NEURL1: variants seen among roughly 807,000 people sequenced by gnomAD.
NEURL1 encodes neuralized E3 ubiquitin protein ligase 1.
Under a neutral mutation model 41.2 loss-of-function variants are expected in NEURL1, and 26 were observed. The observed-to-expected ratio is 0.63, with a 90% confidence interval of 0.46 to 0.87. The LOEUF (loss-of-function observed/expected upper bound fraction) is 0.87, where lower values mean the gene tolerates loss of function less well. NEURL1 is among the 40% of genes least tolerant of loss of function. The pLI is 0.00. For synonymous variants in NEURL1, 400 were observed against 402.3 expected (o/e 0.99, Z 0.07); for missense variants, 761 against 871.1 (o/e 0.87, Z 1.59).
rs146023099 is a variant in NEURL1, at chr10:103,590,171, G to A, written c.1524G>A (p.Ser508=). The part of the protein sequence containing the change: ...APNSPVSLPE[S]PVTPGLGQWS... The stretch of plus-strand genomic sequence containing the variant: ...ATTCGCCAGTGAGCCTGCCCGAGTC[G>A]CCAGTGACCCCAGGTCTGGGCCAGT... The change falls in exon 6 of 6, where the codon TCG becomes TCA. Residue 508 remains serine, a synonymous_variant. Transcript: ENST00000369780. The A allele has an allele frequency of 3.1e-6, 5 of 1,613,948 alleles. No individual in the cohort carries two copies. Among genetic ancestry groups the A allele is most frequent in the Admixed American group, 3.3e-5 (2 of 60,010 alleles).
chr10:103,587,103 G>C (rs1367802670), intron 4 of NEURL1, among the ~76,000 whole-genome samples: 1 of 151,982 alleles, frequency 6.6e-6, no homozygotes. Flanking sequence ...CAAGCAAGCA[G>C]GCAAGATGAA....
chr10:103,514,826 G>A (rs186300463), intron 1 of NEURL1, among the ~76,000 whole-genome samples: 171 of 152,284 alleles, frequency 1.1e-3, no homozygotes, highest in Non-Finnish European at 1.8e-3. Flanking sequence ...CACCGACAGG[G>A]GTGTGCTCAA....
intron 3 of NEURL1, among the ~76,000 whole-genome samples, chr10:103,573,079 A>G (rs1049130619): frequency 1.3e-5 from 2 of 152,136 alleles, no homozygotes; most frequent in Non-Finnish European, 2.9e-5. Context: ...AGTCAGTGAT[A>G]GTAAAAACAA....
In NEURL1 at chr10:103,494,301, C is replaced by G; in HGVS notation, c.-87C>G. On this transcript the variant is annotated 5_prime_UTR_variant, in exon 1 of 6. Coordinates refer to ENST00000369780, the MANE Select transcript of NEURL1 (RefSeq NM_004210.5). ...GGGCCCTCCCCCGGTGGCGCGCACCCGCGCGCGCACACTCGCACACCGCAC... is the reference window on the plus strand; with the variant it reads ...GGGCCCTCCCCCGGTGGCGCGCACCGGCGCGCGCACACTCGCACACCGCAC... The G allele has an allele frequency of 8.9e-7, 1 of 1,127,940 alleles. No individual in the cohort carries two copies. Among genetic ancestry groups the G allele is most frequent in the Non-Finnish European group, 1.2e-6 (1 of 806,384 alleles). 69.9% of individuals were successfully genotyped at this position (1,127,940 alleles called of 1,614,324 possible).
chr10:103,570,302 G>A (rs1258014031), intron 1 of NEURL1, among the ~76,000 whole-genome samples: 1 of 152,082 alleles, frequency 6.6e-6, no homozygotes, highest in East Asian at 1.9e-4. Flanking sequence ...ACTTGTCTTG[G>A]AGCCACAGAG....
intron 1 of NEURL1, among the ~76,000 whole-genome samples, chr10:103,564,443 C>A (rs527836581): frequency 6.6e-6 from 1 of 152,334 alleles, no homozygotes; most frequent in Admixed American, 6.5e-5. Flanking sequence ...ACGCCCCCCC[C>A]ATTTTGAGGC....
chr10:103,587,890 C>T (rs1050663097), intron 4 of NEURL1, among the ~76,000 whole-genome samples: 1 of 152,166 alleles, frequency 6.6e-6, no homozygotes, highest in Non-Finnish European at 1.5e-5. Context: ...GAAATAATAA[C>T]ACAACTAAAT....
At chr10:103,565,818 G>A (rs1223924410) in intron 1 of NEURL1, among the ~76,000 whole-genome samples, 1 of 151,934 alleles carries the variant, frequency 6.6e-6, no homozygotes, top group Non-Finnish European at 1.5e-5. Context: ...GTCTGGCTAA[G>A]TTTTGTAGTT....
chr10:103,533,826 GCT>G (rs1564813001), intron 1 of NEURL1, among the ~76,000 whole-genome samples: 4 of 151,992 alleles, frequency 2.6e-5, no homozygotes, highest in African/African-American at 7.3e-5. Context: ...TTGAGCCACC[GCT>G]CCCGGCCTAA....
intron 4 of NEURL1, chr10:103,588,819 G>C (rs2035976232): frequency 4.5e-6 from 2 of 441,282 alleles, no homozygotes; most frequent in African/African-American, 4.1e-5. Context: ...GGTGGCATGT[G>C]CCTATGATCC....
At chr10:103,578,688 A>C (rs1173414116) in intron 3 of NEURL1, among the ~76,000 whole-genome samples, 2 of 152,212 alleles carry the variant, frequency 1.3e-5, no homozygotes, top group Non-Finnish European at 2.9e-5. Flanking sequence ...GAGTGATTTT[A>C]GGATGTTCTG....
intron 3 of NEURL1, among the ~76,000 whole-genome samples, chr10:103,578,872 C>T (rs1339034257): frequency 6.6e-6 from 1 of 152,220 alleles, no homozygotes. Flanking sequence ...CAGATGCGGA[C>T]CAGCAGGAGG....
At chr10:103,514,999 A>G (rs560332643) in intron 1 of NEURL1, among the ~76,000 whole-genome samples, 1 of 152,260 alleles carries the variant, frequency 6.6e-6, no homozygotes, top group East Asian at 1.9e-4. Context: ...AGGCCGAGGC[A>G]GGTGGATCAC....
chr10:103,585,647 A>C (rs1423948950), intron 4 of NEURL1, among the ~76,000 whole-genome samples: 2 of 152,124 alleles, frequency 1.3e-5, no homozygotes, highest in Non-Finnish European at 1.5e-5. Context: ...ATCCTGGCTA[A>C]CACGGTGAAA....
chr10:103,530,534 A>G (rs1381191681), intron 1 of NEURL1, among the ~76,000 whole-genome samples: 1 of 151,946 alleles, frequency 6.6e-6, no homozygotes, highest in Non-Finnish European at 1.5e-5. Context: ...ATGGTCAGAA[A>G]TGATAGTTGA....
chr10:103,504,765 A>G (rs2033910192), intron 1 of NEURL1, among the ~76,000 whole-genome samples: 1 of 152,090 alleles, frequency 6.6e-6, no homozygotes, highest in Non-Finnish European at 1.5e-5. Context: ...CTTCTCCACT[A>G]CTTCTTTAAT....
chr10:103,523,234 C>T (rs566956097), intron 1 of NEURL1, among the ~76,000 whole-genome samples: 10 of 152,000 alleles, frequency 6.6e-5, no homozygotes, highest in South Asian at 2.1e-4. Context: ...GCAGGAGGAT[C>T]GCTTGAGGCT....
chr10:103,515,092 G>A (rs1592187340), intron 1 of NEURL1, among the ~76,000 whole-genome samples: 1 of 152,194 alleles, frequency 6.6e-6, no homozygotes, highest in South Asian at 2.1e-4. Flanking sequence ...GCCAGGTGTG[G>A]TGATGGGCAC....
intron 1 of NEURL1, chr10:103,551,022 G>T (rs538325956): frequency 1.3e-4 from 20 of 152,184 alleles, no homozygotes; most frequent in African/African-American, 4.8e-4. Flanking sequence ...CGTTTCCAAA[G>T]TGCGGCTATA....
Sources: allele counts gnomAD v4.1 joint callset (sites outside exome capture counted in the v4.1 genomes callset), GRCh38; gene constraint gnomAD v4.1.1; transcripts MANE v1.5; gene names NCBI Gene and HGNC (gene_info 2026-07-23, HGNC 2026-07-21).